TTLL3: variants seen among roughly 807,000 people sequenced by gnomAD.
TTLL3 encodes tubulin tyrosine ligase like 3.
In TTLL3, 63 loss-of-function variants were observed where a neutral mutation model predicts 75.2. The observed-to-expected ratio is 0.84, with a 90% CI of 0.68 to 1.03. The LOEUF is 1.03. TTLL3 is among the 50% of genes least tolerant of loss of function. TTLL3 has a pLI of 0.00. For synonymous variants in TTLL3, 393 were observed against 418.5 expected, an observed-to-expected ratio of 0.94 and a Z score of 0.74; for missense variants, 997 against 1,069.9, an observed-to-expected ratio of 0.93 and a Z score of 0.95.
intron 7 of TTLL3, chr3:9,819,742 T>C: frequency 3.0e-6 from 3 of 985,314 alleles, no homozygotes; most frequent in Non-Finnish European, 3.6e-6. Context: ...CAGAGGCAGC[T>C]CTCCAGGAAG....
intron 13 of TTLL3, 90 bp from the exon 14 acceptor site, chr3:9,835,004 C>T: frequency 6.2e-7 from 1 of 1,601,104 alleles, no homozygotes. Context: ...GGCTGGCTGG[C>T]ACCCCAAGGG....
At chr3:9,810,030 GCTC>G (rs1187484512), upstream of TTLL3, 6 of 1,324,376 alleles carry the variant, frequency 4.5e-6, no homozygotes, top group Non-Finnish European at 4.8e-6. This position sits in a 1 kb window ranked among gnomAD's most constrained non-coding sequence, Gnocchi z 4.4. Flanking sequence ...ACGCGCCACT[GCTC>G]CTGAGCGCGA....
rs778283544 is a variant in TTLL3, at chr3:9,835,184, G to A, written c.2143G>A (p.Gly715Arg). 33 of 1,613,908 alleles carry A rather than the reference G, an allele frequency of 2.0e-5. No individual in the cohort carries two copies. The highest frequency in any genetic ancestry group is 1.5e-4 in the African/African-American group (11 of 74,926). ...LKSEQFLAPV[G>R]RSRPKANSRP... is the part of the protein sequence containing the mutation. ...GTCGGAACAATTCCTAGCACCTGTC[G>A]GAAGGTCAAGGCCAAAGGCAAATTC... is the stretch of plus-strand genomic sequence containing the variant. The change falls in exon 14 of 14, where the codon GGA (glycine) becomes AGA (arginine). Residue 715 changes from glycine to arginine, a missense_variant. Physicochemically the swap from Gly to Arg is moderately radical, Grantham distance 125. Transcript: ENST00000685419.
intron 7 of TTLL3, chr3:9,819,148 C>A: frequency 1.7e-6 from 1 of 572,928 alleles, no homozygotes; most frequent in Non-Finnish European, 3.1e-6. Context: ...CCCACCCACC[C>A]TTCCACTCAT....
In TTLL3 at chr3:9,820,643, C is replaced by T; in HGVS notation, c.756C>T (p.Asn252=). Residue 252 remains asparagine (N), a synonymous_variant, in exon 8 of 14, where the codon AAC becomes AAT. Transcript: ENST00000685419. ...GTGCGTGCGAGGAGTACCTTAGCAACTTGGCCCACATGGACATCGACAAGG... is the reference window on the plus strand; with the variant it reads ...GTGCGTGCGAGGAGTACCTTAGCAATTTGGCCCACATGGACATCGACAAGG... ...ALCACEEYLS[N]LAHMDIDKDL... 6.2e-7 allele frequency: 1 copy of T among 1,614,136 alleles called. No homozygotes were observed. The highest frequency in any genetic ancestry group is 2.2e-5 in the East Asian group (1 of 44,880).
chr3:9,832,709 C>T (rs1488121749), intron 11 of TTLL3, among the ~76,000 whole-genome samples: 3 of 152,228 alleles, frequency 2.0e-5, no homozygotes, highest in Non-Finnish European at 4.4e-5. Context: ...TCTAGGCAGG[C>T]TCCAAACCTC....
intron 4 of TTLL3, 90 bp from the exon 5 acceptor site, chr3:9,815,984 C>G: frequency 8.2e-7 from 1 of 1,218,364 alleles, no homozygotes; most frequent in Non-Finnish European, 1.1e-6. Context: ...TTCCTGTTCA[C>G]CCACCCTGCT....
upstream of TTLL3, chr3:9,809,771 C>T (rs2079174970): frequency 5.4e-6 from 2 of 369,742 alleles, no homozygotes; most frequent in South Asian, 2.5e-4. Context: ...CTGGGTGAGG[C>T]CCCAGGTCAT....
chr3:9,810,603 T>C lies in TTLL3; in HGVS notation c.-41-18T>C, dbSNP rs1338299963. ...CCAGCCTCAGTGTACCCCGCCCCTATTCCGCATCTTTCTGCAGGTTTCCCG... is the reference window on the plus strand; with the variant it reads ...CCAGCCTCAGTGTACCCCGCCCCTACTCCGCATCTTTCTGCAGGTTTCCCG... On this transcript the variant is annotated intron_variant, in intron 1 of 13. Coordinates refer to ENST00000685419, the MANE Select transcript of TTLL3 (RefSeq NM_001387446.1). This position sits in a 1 kb window ranked among gnomAD's most constrained non-coding sequence, Gnocchi z 4.4. The C allele has an allele frequency of 1.3e-6, 2 of 1,554,696 alleles. No individual in the cohort carries two copies. Among genetic ancestry groups the C allele is most frequent in the Admixed American group, 2.0e-5 (1 of 50,976 alleles).
Position 9,817,732 on chromosome 3 carries a change from G to T in TTLL3, c.532G>T (p.Ala178Ser). 5.0e-6 allele frequency: 8 copies of T among 1,614,186 alleles called. No homozygotes were observed. Among genetic ancestry groups the T allele is most frequent in the Non-Finnish European group, 6.8e-6 (8 of 1,180,038 alleles). Residue 178 changes from alanine to serine, a missense_variant, in exon 6 of 14, where the codon GCT becomes TCT. Physicochemically the swap from Ala to Ser is moderately conservative, Grantham distance 99. Transcript: ENST00000685419. ...SFFPRCYCLG[A>S]EDDKKAFIED... Reference sequence around the variant, plus strand: ...CTTCCCACGCTGCTACTGCCTGGGGGCTGAGGATGACAAAAAAGCCTTCAT... The same window carrying T: ...CTTCCCACGCTGCTACTGCCTGGGGTCTGAGGATGACAAAAAAGCCTTCAT...
chr3:9,832,456 T>C (rs1189842785), intron 11 of TTLL3, among the ~76,000 whole-genome samples: 1 of 152,110 alleles, frequency 6.6e-6, no homozygotes, highest in African/African-American at 2.4e-5. Context: ...GATCCTTCAG[T>C]GGCACAGAAG....
Position 9,835,244 on chromosome 3 carries a change from T to TGCCCCATGAAGAGGCTGAGCCCC in TTLL3, c.2204_2226dup (p.Leu743AlafsTer3). The TGCCCCATGAAGAGGCTGAGCCCC allele has an allele frequency of 1.2e-6, 2 of 1,614,200 alleles. No homozygotes were observed. Among genetic ancestry groups the TGCCCCATGAAGAGGCTGAGCCCC allele is most frequent in the South Asian group, 2.2e-5 (2 of 91,088 alleles). On this transcript the variant is annotated frameshift_variant, in exon 14 of 14. Coordinates refer to ENST00000685419, the MANE Select transcript of TTLL3 (RefSeq NM_001387446.1). LOFTEE classifies it low-confidence loss of function (END_TRUNC). ...CTGTGACAAACCCAGGGCTGAGGCC[T>TGCCCCATGAAGAGGCTGAGCCCC]GCCCCATGAAGAGGCTGAGCCCCCT...
chr3:9,809,736 C>T (rs2079173879), upstream of TTLL3: 1 of 329,832 alleles, frequency 3.0e-6, no homozygotes, highest in South Asian at 1.5e-4. Context: ...TCTCTTCCGC[C>T]TTCAGTGCCC....
At position 9,836,244 on chromosome 3, in the gene TTLL3, G is replaced by A. The variant is rs1286718025; in HGVS notation, c.*755G>A. 6.6e-6 allele frequency: 1 copy of A among 151,590 alleles called. No homozygotes were observed. Among genetic ancestry groups the A allele is most frequent in the Non-Finnish European group, 1.5e-5 (1 of 67,992 alleles). The allele number at this position is 151,590 out of a possible 1,614,324, so 9.4% of individuals were successfully genotyped here. On this transcript the variant is annotated 3_prime_UTR_variant, in exon 14 of 14. Transcript: ENST00000685419. ...AGCCTGGGAAGATCAAAACTGTGGT[G>A]AGCTGTGATCACGCCACTGCGCTCT...
rs771675357 is a variant in TTLL3, at chr3:9,826,086, C to T, written c.1003+138C>T. The T allele has an allele frequency of 5.1e-5, 71 of 1,397,242 alleles. 1 individual carries two copies. The highest frequency in any genetic ancestry group is 5.8e-5 in the African/African-American group (4 of 69,068). The allele number at this position is 1,397,242 out of a possible 1,614,324, so 86.6% of individuals were successfully genotyped here. A position where few individuals can be genotyped will look rare whatever the true frequency, so the allele number is the denominator to read the frequency against. On this transcript the variant is annotated intron_variant, in intron 9 of 13. Transcript: ENST00000685419. Reference sequence around the variant, plus strand: ...TCCTAGCTCTGCTACTAATGTGCTTCGTGACCTTGAGCAGGTTTTAGCGCC... The same window carrying T: ...TCCTAGCTCTGCTACTAATGTGCTTTGTGACCTTGAGCAGGTTTTAGCGCC...
upstream of TTLL3, chr3:9,810,213 C>T (rs1056164528): frequency 1.1e-5 from 16 of 1,492,636 alleles, no homozygotes; most frequent in African/African-American, 1.6e-4. This position sits in a 1 kb window ranked among gnomAD's most constrained non-coding sequence, Gnocchi z 4.4. Flanking sequence ...CCGGCCCTGC[C>T]TCCGCCCAGT....
chr3:9,825,552 AGGG>A, intron 8 of TTLL3: 1 of 566,284 alleles, frequency 1.8e-6, no homozygotes, highest in Non-Finnish European at 3.2e-6. Context: ...GTGTTGGAGT[AGGG>A]GGTGGTTTGC....
At chr3:9,828,780 C>T in intron 10 of TTLL3, 180 bp from the exon 11 acceptor site, 1 of 769,030 alleles carries the variant, frequency 1.3e-6, no homozygotes, top group Non-Finnish European at 2.0e-6. Context: ...GTGGTTCTGG[C>T]CCTAGAAGAA....
intron 12 of TTLL3, chr3:9,834,242 G>A: frequency 2.6e-6 from 1 of 378,960 alleles, no homozygotes; most frequent in Non-Finnish European, 5.3e-6. Context: ...AGCCCAGGTT[G>A]CTCTCTCCAG....
Sources: allele counts gnomAD v4.1 joint callset (sites outside exome capture counted in the v4.1 genomes callset), GRCh38; gene constraint gnomAD v4.1.1; non-coding constraint Gnocchi (gnomAD v3.1); transcripts MANE v1.5; gene names NCBI Gene and HGNC (gene_info 2026-07-23, HGNC 2026-07-21).